PLCG2: variants seen among roughly 807,000 people sequenced by gnomAD.
The protein encoded by PLCG2 is 1-phosphatidylinositol 4,5-bisphosphate phosphodiesterase gamma-2.
Under a neutral mutation model 175.6 loss-of-function variants are expected in PLCG2, and 69 were observed. The observed-to-expected ratio is 0.39, with a 90% CI of 0.32 to 0.48. The LOEUF is 0.48. Ranked by LOEUF, PLCG2 falls within the 20% of genes least tolerant of loss-of-function variation. The probability of loss-of-function intolerance (pLI) is 0.91; values close to 1 mark genes in which losing one functional copy is unlikely to be tolerated. For synonymous variants in PLCG2, 827 were observed against 624.0 expected, an observed-to-expected ratio of 1.33 and a Z score of -4.85; for missense variants, 1,798 against 1,650.9, an observed-to-expected ratio of 1.09 and a Z score of -1.54.
intron 12 of PLCG2, among the ~76,000 whole-genome samples, chr16:81,894,294 T>C (rs895510922): frequency 2.0e-5 from 3 of 152,150 alleles, no homozygotes; most frequent in Non-Finnish European, 1.5e-5. Context: ...CTGTGTGTAG[T>C]GGCATGCGCC....
In PLCG2 at chr16:81,785,828, CT is replaced by C. The variant is rs1910943712; in HGVS notation, c.-47-114del. 3 of 654,174 alleles carry C rather than the reference CT, an allele frequency of 4.6e-6. No individual in the cohort carries two copies. The African/African-American group carries it at 5.5e-5, about 12-fold the overall frequency. The allele number at this position is 654,174 out of a possible 1,614,324, so 40.5% of individuals were successfully genotyped here. ...GATGCCTTGCCACTAGAACCTTCTC[CT>C]AAAACTCATCCTGATTGACATGAGA... On this transcript the variant is annotated intron_variant, in intron 1 of 32. Coordinates refer to ENST00000564138, the MANE Select transcript of PLCG2 (RefSeq NM_002661.5).
At chr16:81,953,716 TGTAGA>T (rs1911457231) in intron 31 of PLCG2, among the ~76,000 whole-genome samples, 1 of 152,228 alleles carries the variant, frequency 6.6e-6, no homozygotes, top group Non-Finnish European at 1.5e-5. Flanking sequence ...GTTCATTTGC[TGTAGA>T]GTTATTCACT....
At chr16:81,852,550 A>C (rs2143467837) in intron 2 of PLCG2, among the ~76,000 whole-genome samples, 1 of 152,168 alleles carries the variant, frequency 6.6e-6, no homozygotes, top group South Asian at 2.1e-4. Flanking sequence ...GGGAAGGAGG[A>C]GTCACCTTTG....
chr16:81,885,068 TTGA>T (rs1908290175), intron 9 of PLCG2, among the ~76,000 whole-genome samples: 1 of 149,232 alleles, frequency 6.7e-6, no homozygotes, highest in Admixed American at 6.6e-5. Flanking sequence ...TTTTTTTTTT[TTGA>T]GATAGAGTCT....
intron 9 of PLCG2, among the ~76,000 whole-genome samples, chr16:81,884,551 G>T (rs1427391855): frequency 6.6e-6 from 1 of 152,138 alleles, no homozygotes; most frequent in Non-Finnish European, 1.5e-5. Context: ...AAGTGGGATT[G>T]AGAGCATCTA....
chr16:81,872,220 T>G (rs1907550104), intron 7 of PLCG2, among the ~76,000 whole-genome samples: 1 of 151,996 alleles, frequency 6.6e-6, no homozygotes, highest in South Asian at 2.1e-4. Flanking sequence ...CCCAGCTACT[T>G]GGGAGGGTAA....
intron 2 of PLCG2, among the ~76,000 whole-genome samples, chr16:81,801,155 A>G (rs1911701229): frequency 6.6e-6 from 1 of 152,222 alleles, no homozygotes; most frequent in African/African-American, 2.4e-5. Context: ...GGAATTCAGT[A>G]GCGTAGCGAT....
At chr16:81,876,028 T>G (rs867551991) in intron 7 of PLCG2, among the ~76,000 whole-genome samples, 1 of 145,690 alleles carries the variant, frequency 6.9e-6, no homozygotes, top group Admixed American at 6.8e-5. Context: ...TTTTTTTTTT[T>G]TTTTTTTTTG....
Position 81,742,248 on chromosome 16 carries a change from G to C in PLCG2, c.-145+2863G>C, listed in dbSNP as rs113887498. Among the ~76,000 whole-genome samples the C allele has an allele frequency of 3.3e-3, 508 of 151,916 alleles. 4 individuals carry two copies. The highest frequency in any genetic ancestry group is 0.012 in the African/African-American group (485 of 41,296). ...GAGAGTCCATTACTCCGAGTACATA[G>C]TACCCCTGGAAAATAGGGGTTAGGT... On this transcript the variant is annotated intron_variant, in intron 1 of 5. Transcript: ENST00000565054.
At chr16:81,787,393 ATTTTTTT>A (rs67160306) in intron 2 of PLCG2, among the ~76,000 whole-genome samples, 1 of 94,582 alleles carries the variant, frequency 1.1e-5, no homozygotes, top group South Asian at 3.2e-4. Flanking sequence ...GGATAATTTA[ATTTTTTT>A]TTTTTTTTTT....
chr16:81,807,161 A>G (rs574060197), intron 2 of PLCG2, among the ~76,000 whole-genome samples: 1 of 152,236 alleles, frequency 6.6e-6, no homozygotes, highest in African/African-American at 2.4e-5. Context: ...ATCTTGTTGA[A>G]CGTGGTGATT....
intron 2 of PLCG2, among the ~76,000 whole-genome samples, chr16:81,772,256 C>T (rs1161438168): frequency 2.6e-5 from 4 of 152,134 alleles, no homozygotes; most frequent in African/African-American, 9.7e-5. Flanking sequence ...TAGAGTGATG[C>T]AGCTCCAAGC....
At chr16:81,905,569 C>G in intron 15 of PLCG2, 62 bp downstream of exon 15, 1 of 1,071,772 alleles carries the variant, frequency 9.3e-7, no homozygotes, top group Non-Finnish European at 1.4e-6. Context: ...CTTCTTGGAG[C>G]CCTGCTGGGA....
chr16:81,895,341 A>G (rs1451514162), intron 12 of PLCG2, among the ~76,000 whole-genome samples: 1 of 152,174 alleles, frequency 6.6e-6, no homozygotes, highest in African/African-American at 2.4e-5. Flanking sequence ...TGGATGGATC[A>G]TGAGGTCAGG....
upstream of PLCG2, chr16:81,739,050 C>G (rs765717197): frequency 6.6e-6 from 1 of 151,982 alleles, no homozygotes; most frequent in Non-Finnish European, 1.5e-5. Flanking sequence ...TAAGCGTGAA[C>G]TAGAGAGTGC....
At chr16:81,877,250 C>G (rs558127286) in intron 7 of PLCG2, among the ~76,000 whole-genome samples, 1 of 152,152 alleles carries the variant, frequency 6.6e-6, no homozygotes, top group Non-Finnish European at 1.5e-5. Context: ...GTCAGGAGAT[C>G]GAGACCATCC....
intron 2 of PLCG2, among the ~76,000 whole-genome samples, chr16:81,793,674 T>A (rs569523937): frequency 1.3e-5 from 2 of 152,356 alleles, no homozygotes; most frequent in Non-Finnish European, 1.5e-5. Context: ...TCCCACTTAA[T>A]AATGATAATA....
At position 81,927,156 on chromosome 16, in the gene PLCG2, A is replaced by T. The variant is rs1233460268; in HGVS notation, c.2492A>T (p.Asp831Val). The stretch of plus-strand genomic sequence containing the variant: ...TACGTCGAGGACATCTCAACTGCAG[A>T]CTTCGAGGAGCTAGAAAAGCAGGTG... ...SNYVEDISTA[D>V]FEELEKQIIE... The change falls in exon 23 of 33, where the codon GAC becomes GTC. Residue 831 changes from aspartate to valine, a missense_variant. Coordinates refer to ENST00000564138, the MANE Select transcript of PLCG2 (RefSeq NM_002661.5). The T allele has an allele frequency of 6.2e-7, 1 of 1,612,598 alleles. No individual in the cohort carries two copies. The highest frequency in any genetic ancestry group is 8.5e-7 in the Non-Finnish European group (1 of 1,178,622).
At chr16:81,878,193 C>T (rs915855716) in intron 7 of PLCG2, among the ~76,000 whole-genome samples, 5 of 151,772 alleles carry the variant, frequency 3.3e-5, no homozygotes, top group East Asian at 1.9e-4. Flanking sequence ...ACTGTGTTAG[C>T]CAGGATGGTC....
Sources: gnomAD v4.1 joint callset for allele counts (sites outside exome capture counted in the v4.1 genomes callset) on GRCh38, gnomAD v4.1.1 for gene constraint, MANE v1.5 for transcripts, NCBI Gene and HGNC (gene_info 2026-07-23, HGNC 2026-07-21) for gene names.